GRID2: variants seen among roughly 807,000 people sequenced by gnomAD.
The protein encoded by GRID2 is glutamate receptor ionotropic, delta-2.
In GRID2, 33 loss-of-function variants were observed where a neutral mutation model predicts 114.8. That is an observed-to-expected ratio of 0.29 (90% CI 0.22 to 0.38). The LOEUF (loss-of-function observed/expected upper bound fraction) is 0.38, where lower values mean the gene tolerates loss of function less well. GRID2 is among the 10% of genes least tolerant of loss of function. GRID2 has a pLI of 1.00. For missense variants in GRID2, 1,184 were observed against 1,257.7 expected (o/e 0.94, Z 0.89); for synonymous variants, 505 against 449.9 (o/e 1.12, Z -1.55).
At chr4:92,548,204 AG>A (rs1429822449) in intron 1 of GRID2, among the ~76,000 whole-genome samples, 2 of 152,078 alleles carry the variant, frequency 1.3e-5, no homozygotes, top group Non-Finnish European at 2.9e-5. Context: ...ATGTTGAGTT[AG>A]GTGCACTACT....
intron 14 of GRID2, among the ~76,000 whole-genome samples, chr4:93,767,256 G>A (rs1272381719): frequency 6.6e-6 from 1 of 152,088 alleles, no homozygotes; most frequent in Admixed American, 6.6e-5. Flanking sequence ...CCAAGAGTGT[G>A]TTTCTCAGAA....
At position 92,388,965 on chromosome 4, in the gene GRID2, C is replaced by T. The variant is rs192920039; in HGVS notation, c.88+84221C>T. On this transcript the variant is annotated intron_variant, in intron 1 of 15. Coordinates refer to ENST00000282020, the MANE Select transcript of GRID2 (RefSeq NM_001510.4). Reference sequence around the variant, plus strand: ...CCGCATTCTCTTTGGGAGTTTACAACGCCTTTCAACATACACTTTAAGTAG... The same window carrying T: ...CCGCATTCTCTTTGGGAGTTTACAATGCCTTTCAACATACACTTTAAGTAG... 4.4e-3 allele frequency among the ~76,000 whole-genome samples: 666 copies of T among 152,078 alleles called. 4 individuals carry two copies. The highest frequency in any genetic ancestry group is 6.0e-3 in the Non-Finnish European group (407 of 67,958).
intron 8 of GRID2, among the ~76,000 whole-genome samples, chr4:93,257,572 T>C (rs1005457227): frequency 4.6e-5 from 7 of 151,596 alleles, no homozygotes; most frequent in African/African-American, 1.4e-4. Flanking sequence ...AAACTGAAAA[T>C]ATATTTCTCT....
chr4:93,147,118 T>C (rs1455070631), intron 4 of GRID2, among the ~76,000 whole-genome samples: 1 of 152,194 alleles, frequency 6.6e-6, no homozygotes, highest in African/African-American at 2.4e-5. Flanking sequence ...AGAGATCAAG[T>C]GGAATTTTTT....
At chr4:93,226,117 T>C (rs1288198203) in intron 7 of GRID2, among the ~76,000 whole-genome samples, 2 of 152,176 alleles carry the variant, frequency 1.3e-5, no homozygotes, top group African/African-American at 4.8e-5. Context: ...ACTAAAATCA[T>C]AGTATTCCAT....
At chr4:92,950,424 G>T (rs1263031746) in intron 2 of GRID2, among the ~76,000 whole-genome samples, 1 of 152,108 alleles carries the variant, frequency 6.6e-6, no homozygotes, top group African/African-American at 2.4e-5. Flanking sequence ...AAGTGCTTTT[G>T]TTTGAATAGA....
intron 2 of GRID2, chr4:92,823,159 G>T (rs1741412405): frequency 6.6e-6 from 1 of 152,188 alleles, no homozygotes; most frequent in Non-Finnish European, 1.5e-5. Context: ...CTTGGAGCTG[G>T]TTGAATTGTT....
chr4:93,089,689 C>G (rs1730613059), intron 3 of GRID2, among the ~76,000 whole-genome samples: 1 of 152,096 alleles, frequency 6.6e-6, no homozygotes, highest in Non-Finnish European at 1.5e-5. Flanking sequence ...TTACAGCTAA[C>G]TTTTGTGATG....
In GRID2 at chr4:93,774,180, C is replaced by T. The variant is rs1734288824; in HGVS notation, c.*1682C>T. The T allele has an allele frequency of 6.6e-6, 1 of 152,012 alleles. No homozygotes were observed. The highest frequency in any genetic ancestry group is 1.5e-5 in the Non-Finnish European group (1 of 67,962). The allele number at this position is 152,012 out of a possible 1,614,324, so 9.4% of individuals were successfully genotyped here. A position where few individuals can be genotyped will look rare whatever the true frequency, so the allele number is the denominator to read the frequency against. On this transcript the variant is annotated 3_prime_UTR_variant, in exon 16 of 16. Coordinates refer to ENST00000282020, the MANE Select transcript of GRID2 (RefSeq NM_001510.4). ...CATCTTGTATTGTCACTGTTTTGTA[C>T]TAAATCTTCAAATATTGTCTACTGT...
At chr4:93,536,943 T>C (rs1732150813) in intron 13 of GRID2, among the ~76,000 whole-genome samples, 1 of 151,730 alleles carries the variant, frequency 6.6e-6, no homozygotes, top group South Asian at 2.1e-4. Flanking sequence ...CCTTTGTCAT[T>C]GGTGACATAC....
chr4:93,088,803 G>T (rs1034836553), intron 3 of GRID2, among the ~76,000 whole-genome samples: 2 of 152,022 alleles, frequency 1.3e-5, no homozygotes, highest in African/African-American at 4.8e-5. Flanking sequence ...AGGGAGACAG[G>T]AACAAGTGAT....
At position 92,892,066 on chromosome 4, in the gene GRID2, T is replaced by C. The variant is rs964848657; in HGVS notation, c.245-192929T>C. Among the ~76,000 whole-genome samples, 6 of 152,178 alleles carry C rather than the reference T, an allele frequency of 3.9e-5. No homozygotes were observed. The South Asian group carries it at 8.3e-4, about 21-fold the overall frequency. On this transcript the variant is annotated intron_variant, in intron 2 of 15. Coordinates refer to ENST00000282020, the MANE Select transcript of GRID2 (RefSeq NM_001510.4). ...TGTAATAGCTGGTTTTTTTTTTTGT[T>C]TTTGTTTTTGTTTTGAGATGGAGTT...
intron 13 of GRID2, among the ~76,000 whole-genome samples, chr4:93,579,462 A>G (rs960251609): frequency 2.0e-5 from 3 of 152,078 alleles, no homozygotes; most frequent in Admixed American, 2.0e-4. Flanking sequence ...AAATGACCCC[A>G]AATCACCTAA....
At chr4:93,328,784 A>G (rs1251041590) in intron 8 of GRID2, among the ~76,000 whole-genome samples, 1 of 152,066 alleles carries the variant, frequency 6.6e-6, no homozygotes, top group African/African-American at 2.4e-5. Context: ...GCTCAGGATC[A>G]GTAGGTTATG....
intron 10 of GRID2, among the ~76,000 whole-genome samples, chr4:93,427,910 G>A (rs1321208699): frequency 6.6e-6 from 1 of 151,980 alleles, no homozygotes; most frequent in South Asian, 2.1e-4. Flanking sequence ...TAGTACAGGA[G>A]AAATATTTAA....
At chr4:93,449,959 AT>A in intron 10 of GRID2, among the ~76,000 whole-genome samples, 1 of 152,126 alleles carries the variant, frequency 6.6e-6, no homozygotes, top group South Asian at 2.1e-4. Context: ...ATTTGCTTCA[AT>A]TGCATAAGAC....
At chr4:92,819,991 A>G (rs904378778) in intron 2 of GRID2, among the ~76,000 whole-genome samples, 5 of 152,134 alleles carry the variant, frequency 3.3e-5, no homozygotes, top group Non-Finnish European at 5.9e-5. Context: ...TTAACTACCA[A>G]TTGCGTAGTA....
chr4:93,335,007 T>C (rs1285558799), intron 8 of GRID2, among the ~76,000 whole-genome samples: 1 of 152,138 alleles, frequency 6.6e-6, no homozygotes, highest in African/African-American at 2.4e-5. Context: ...AAGTTTTTTC[T>C]AATGTAGCTA....
chr4:93,036,299 TATATA>T (rs1275315220), intron 2 of GRID2, among the ~76,000 whole-genome samples: 1 of 152,076 alleles, frequency 6.6e-6, no homozygotes, highest in African/African-American at 2.4e-5. Context: ...CTCTCCAACT[TATATA>T]GTATTAAAAA....
Sources: allele counts gnomAD v4.1 joint callset (sites outside exome capture counted in the v4.1 genomes callset), GRCh38; gene constraint gnomAD v4.1.1; transcripts MANE v1.5; gene names NCBI Gene and HGNC (gene_info 2026-07-23, HGNC 2026-07-21).